The following DLG2 variants were observed in gnomAD, a reference collection of about 807,000 sequenced individuals.
DLG2 encodes discs large MAGUK scaffold protein 2.
DLG2 carries 45 observed loss-of-function variants against 132.5 expected under a neutral mutation model. The ratio of observed to expected loss-of-function variants is 0.34; its 90% CI spans 0.27 to 0.44. The LOEUF is 0.44. Ranked by LOEUF, DLG2 falls within the 20% of genes least tolerant of loss-of-function variation. The pLI, the probability that DLG2 is intolerant of heterozygous loss-of-function variation, is 1.00. For missense variants in DLG2, 1,045 were observed against 1,196.9 expected (o/e 0.87, Z 1.87); for synonymous variants, 424 against 419.6 (o/e 1.01, Z -0.13).
chr11:84,084,465 GAA>G (rs1481838184), intron 10 of DLG2, among the ~76,000 whole-genome samples: 1 of 152,138 alleles, frequency 6.6e-6, no homozygotes, highest in East Asian at 1.9e-4. Context: ...TGGTATGGGA[GAA>G]ACCGCTCTCA....
chr11:84,495,393 T>C (rs566842165), intron 7 of DLG2, among the ~76,000 whole-genome samples: 2 of 152,274 alleles, frequency 1.3e-5, no homozygotes, highest in East Asian at 1.9e-4. Context: ...AGCACAAGTA[T>C]AAACCATCAT....
At chr11:85,440,124 G>T (rs1304938417) in intron 3 of DLG2, among the ~76,000 whole-genome samples, 6 of 152,114 alleles carry the variant, frequency 3.9e-5, no homozygotes, top group Non-Finnish European at 7.3e-5. Context: ...CTGTTGTGAA[G>T]ATTAAAAGTG....
At chr11:84,950,579 G>A (rs2050784227) in intron 6 of DLG2, among the ~76,000 whole-genome samples, 1 of 152,070 alleles carries the variant, frequency 6.6e-6, no homozygotes, top group Non-Finnish European at 1.5e-5. Context: ...TCCTAAAAAT[G>A]CTGTTTGTTC....
chr11:85,435,826 G>A lies in DLG2; in HGVS notation c.41-150461C>T, dbSNP rs1272517693. ...GCAAAACCTACTTTAAAATTCACAT[G>A]GAACCAAAAAAGAGCCCTCATGGCC... On this transcript the variant is annotated intron_variant, in intron 3 of 27. Coordinates refer to ENST00000376104, the MANE Select transcript of DLG2 (RefSeq NM_001142699.3). 2.0e-5 allele frequency among the ~76,000 whole-genome samples: 3 copies of A among 152,024 alleles called. No homozygotes were observed. The South Asian group carries it at 6.2e-4, about 32-fold the overall frequency.
chr11:83,734,881 T>TTA (rs1020941709), intron 18 of DLG2, among the ~76,000 whole-genome samples: 8 of 151,770 alleles, frequency 5.3e-5, no homozygotes, highest in Non-Finnish European at 5.9e-5. Flanking sequence ...TACATTAATA[T>TTA]TATATATATA....
intron 3 of DLG2, among the ~76,000 whole-genome samples, chr11:85,324,718 G>A (rs115359203): frequency 0.014 from 2,171 of 152,182 alleles, 52 homozygotes; most frequent in African/African-American, 0.05. Flanking sequence ...ATTTTTAGGT[G>A]ACTGAAAAAC....
At chr11:84,328,579 A>G (rs745618406) in intron 7 of DLG2, among the ~76,000 whole-genome samples, 1 of 152,202 alleles carries the variant, frequency 6.6e-6, no homozygotes, top group African/African-American at 2.4e-5. Flanking sequence ...TTCAGTTTAA[A>G]TTTTGCAAGT....
At chr11:84,570,435 T>C (rs2099477425) in intron 6 of DLG2, among the ~76,000 whole-genome samples, 1 of 152,206 alleles carries the variant, frequency 6.6e-6, no homozygotes, top group Non-Finnish European at 1.5e-5. Flanking sequence ...TTTTTTGTTA[T>C]GGTATGTGTC....
intron 6 of DLG2, among the ~76,000 whole-genome samples, chr11:85,058,768 T>TG (rs557448238): frequency 1.3e-5 from 2 of 151,408 alleles, no homozygotes; most frequent in Admixed American, 6.6e-5. Context: ...TATAATTAAA[T>TG]GGGGGAAAAG....
In DLG2 at chr11:83,717,768, G is replaced by A. The variant is rs145320393; in HGVS notation, c.1825+68922C>T. Among the ~76,000 whole-genome samples, 1,200 of 152,284 alleles carry A rather than the reference G, an allele frequency of 7.9e-3. 7 individuals carry two copies. Among genetic ancestry groups the A allele is most frequent in the Non-Finnish European group, 0.012 (792 of 68,018 alleles). ...TAAGAAACAGAGTGAACCCAGTGAC[G>A]TGGCAGTGTGGTAGGAGGCACTGTC... On this transcript the variant is annotated intron_variant, in intron 18 of 27. Transcript: ENST00000376104.
intron 6 of DLG2, among the ~76,000 whole-genome samples, chr11:85,061,130 C>T (rs1009234954): frequency 6.6e-6 from 1 of 151,604 alleles, no homozygotes; most frequent in Non-Finnish European, 1.5e-5. Context: ...AATATTAACT[C>T]TTTACAAGTG....
chr11:84,949,252 G>A lies in DLG2; in HGVS notation c.357+162409C>T, dbSNP rs2050619508. ...GGGAGGGAGTGTGCGAATAGGTGTGGGTGACAGACATCAAGTACTTAACAG... is the reference window on the plus strand; with the variant it reads ...GGGAGGGAGTGTGCGAATAGGTGTGAGTGACAGACATCAAGTACTTAACAG... On this transcript the variant is annotated intron_variant, in intron 6 of 27. Coordinates refer to ENST00000376104, the MANE Select transcript of DLG2 (RefSeq NM_001142699.3). Among the ~76,000 whole-genome samples the A allele has an allele frequency of 2.0e-5, 3 of 152,036 alleles. 1 individual carries two copies. Among genetic ancestry groups the A allele is most frequent in the Admixed American group, 2.0e-4 (3 of 15,242 alleles).
intron 19 of DLG2, among the ~76,000 whole-genome samples, chr11:83,605,003 A>AAGAGAGAGAGAGAGAGAGAGAGAG (rs1468336370): frequency 2.5e-5 from 2 of 79,952 alleles, no homozygotes; most frequent in South Asian, 3.6e-4. Flanking sequence ...CCAGTTTTCA[A>AAGAGAGAGAGAGAGAGAGAGAGAG]AGACAGAGAG....
chr11:84,061,200 A>G (rs997496160), intron 10 of DLG2, among the ~76,000 whole-genome samples: 5 of 152,158 alleles, frequency 3.3e-5, no homozygotes, highest in African/African-American at 1.2e-4. Flanking sequence ...TAGCCTCTCT[A>G]AGCCTTATTA....
intron 7 of DLG2, among the ~76,000 whole-genome samples, chr11:84,259,632 T>G (rs2154356494): frequency 6.6e-6 from 1 of 152,272 alleles, no homozygotes. Context: ...CCCTAGCATT[T>G]AATAAAATGC....
intron 7 of DLG2, among the ~76,000 whole-genome samples, chr11:84,280,315 T>TC (rs2097840789): frequency 1.3e-5 from 2 of 152,006 alleles, no homozygotes; most frequent in Admixed American, 1.3e-4. Context: ...GATTTTTTTT[T>TC]TTTGAGACGG....
At chr11:83,585,012 G>A (rs1159222694) in intron 19 of DLG2, among the ~76,000 whole-genome samples, 1 of 152,104 alleles carries the variant, frequency 6.6e-6, no homozygotes, top group African/African-American at 2.4e-5. Flanking sequence ...CTGCTTCTGT[G>A]CTTTAAATTT....
At chr11:85,085,147 G>T (rs973530329) in intron 6 of DLG2, among the ~76,000 whole-genome samples, 10 of 151,978 alleles carry the variant, frequency 6.6e-5, no homozygotes, top group African/African-American at 2.4e-4. Context: ...TTACAATTTT[G>T]TCCACTGTAT....
At chr11:85,508,394 C>A (rs2093982936) in intron 3 of DLG2, among the ~76,000 whole-genome samples, 2 of 152,056 alleles carry the variant, frequency 1.3e-5, no homozygotes, top group South Asian at 2.1e-4. Context: ...GCCTGATTAA[C>A]CCTATACCTC....
Sources: gnomAD v4.1 joint callset for allele counts (sites outside exome capture counted in the v4.1 genomes callset) on GRCh38, gnomAD v4.1.1 for gene constraint, MANE v1.5 for transcripts, NCBI Gene and HGNC (gene_info 2026-07-23, HGNC 2026-07-21) for gene names.